ABHD17B: variants seen among roughly 807,000 people sequenced by gnomAD.
ABHD17B encodes the protein alpha/beta hydrolase domain-containing protein 17B.
A neutral mutation model predicts 26.2 loss-of-function variants in ABHD17B; 9 were observed. That is an observed-to-expected ratio of 0.34 (90% CI 0.21 to 0.60). The LOEUF (loss-of-function observed/expected upper bound fraction) is 0.60, where lower values mean the gene tolerates loss of function less well. Among genes scored for constraint, ABHD17B ranks in the 20% least tolerant of loss-of-function variants. The pLI is 0.80. For missense variants in ABHD17B, 224 were observed against 352.1 expected (o/e 0.64, Z 2.91); for synonymous variants, 127 against 122.3 (o/e 1.04, Z -0.25).
rs554304754 is a variant in ABHD17B at position 71,875,366 on chromosome 9, C to G, written c.-3-283G>C. Among the ~76,000 whole-genome samples the G allele has an allele frequency of 7.1e-4, 108 of 152,198 alleles. 1 individual carries two copies. The highest frequency in any genetic ancestry group is 2.6e-3 in the African/African-American group (108 of 41,514). ...TCAGCCTCCTAAGTAGCTGGGATTACAGGCATGCGCCACCACACCCGGTTA... is the reference window on the plus strand; with the variant it reads ...TCAGCCTCCTAAGTAGCTGGGATTAGAGGCATGCGCCACCACACCCGGTTA... On this transcript the variant is annotated intron_variant, in intron 1 of 3. Transcript: ENST00000333421.
intron 1 of ABHD17B, among the ~76,000 whole-genome samples, chr9:71,881,610 G>A (rs770825669): frequency 3.3e-5 from 5 of 152,198 alleles, no homozygotes; most frequent in Non-Finnish European, 5.9e-5. Context: ...AAGGACAGCT[G>A]GGCACGGTGG....
intron 1 of ABHD17B, among the ~76,000 whole-genome samples, chr9:71,879,288 G>A (rs1359377871): frequency 1.3e-5 from 2 of 152,198 alleles, no homozygotes; most frequent in African/African-American, 2.4e-5. Context: ...AGCAAGGAGG[G>A]TGAAGACAAC....
chr9:71,864,213 C>CTTTTTTTTTTT (rs762446648), downstream of ABHD17B, among the ~76,000 whole-genome samples: 4 of 80,396 alleles, frequency 5.0e-5, 1 homozygote, highest in African/African-American at 5.1e-5. Flanking sequence ...GCCAAACTTT[C>CTTTTTTTTTTT]TTTTTTTTTT....
rs1197737053 is a variant in ABHD17B, at chr9:71,880,605, T to C, written c.-3-5522A>G. 3.9e-5 allele frequency among the ~76,000 whole-genome samples: 6 copies of C among 152,102 alleles called. No homozygotes were observed. In the East Asian group the frequency reaches 1.2e-3, roughly 29 times the overall value. ...AAAACAAATGAGACTTCTCAGCAAT[T>C]TTGGCAAATGCATGAACTTAGGTAA... On this transcript the variant is annotated intron_variant, in intron 1 of 3. Coordinates refer to ENST00000333421, the MANE Select transcript of ABHD17B (RefSeq NM_001025780.3).
At chr9:71,871,624 G>A (rs747082036) in intron 2 of ABHD17B, among the ~76,000 whole-genome samples, 1 of 152,204 alleles carries the variant, frequency 6.6e-6, no homozygotes, top group African/African-American at 2.4e-5. Flanking sequence ...GGATAGAGTC[G>A]CAGAGGTAGC....
At chr9:71,870,292 C>A (rs953694828) in intron 2 of ABHD17B, 30 bp from the exon 3 acceptor site, 59 of 1,536,384 alleles carry the variant, frequency 3.8e-5, no homozygotes, top group Non-Finnish European at 4.5e-5. Context: ...AAAACAAAAA[C>A]CAAAAAAGTT....
intron 1 of ABHD17B, among the ~76,000 whole-genome samples, chr9:71,888,693 A>T (rs1826684043): frequency 6.6e-6 from 1 of 152,100 alleles, no homozygotes; most frequent in South Asian, 2.1e-4. Flanking sequence ...TATTTCTAAG[A>T]GTTTATACAA....
chr9:71,869,748 T>G (rs1826057307), intron 3 of ABHD17B, among the ~76,000 whole-genome samples: 1 of 152,158 alleles, frequency 6.6e-6, no homozygotes, highest in Non-Finnish European at 1.5e-5. Context: ...GTAGTCATGT[T>G]CAAGTTTTTC....
chr9:71,900,738 A>G lies in ABHD17B; in HGVS notation c.-4+9896T>C, dbSNP rs374068723. 1.1e-3 allele frequency among the ~76,000 whole-genome samples: 159 copies of G among 151,102 alleles called. 1 individual carries two copies. Among genetic ancestry groups the G allele is most frequent in the African/African-American group, 3.1e-3 (129 of 41,128 alleles). On this transcript the variant is annotated intron_variant, in intron 1 of 3. Coordinates refer to ENST00000333421, the MANE Select transcript of ABHD17B (RefSeq NM_001025780.3). Reference sequence around the variant, plus strand: ...GTGGCTTTTGCTTACTCCTCCAACCATATCTTGATACTATCCCCCCCTCAT... The same window carrying G: ...GTGGCTTTTGCTTACTCCTCCAACCGTATCTTGATACTATCCCCCCCTCAT...
downstream of ABHD17B, among the ~76,000 whole-genome samples, chr9:71,863,883 A>G (rs549646623): frequency 1.4e-4 from 21 of 152,310 alleles, no homozygotes; most frequent in African/African-American, 5.1e-4. Flanking sequence ...AACTTGGCAA[A>G]TACCTCAGGA....
chr9:71,902,010 TATTTA>T (rs1265919111), intron 1 of ABHD17B, among the ~76,000 whole-genome samples: 1 of 152,212 alleles, frequency 6.6e-6, no homozygotes, highest in Non-Finnish European at 1.5e-5. Flanking sequence ...CCGATTCATT[TATTTA>T]ATTTAACAGG....
rs1001247224 is a variant in ABHD17B at position 71,888,749 on chromosome 9, G to C, written c.-3-13666C>G. On this transcript the variant is annotated intron_variant, in intron 1 of 3. Coordinates refer to ENST00000333421, the MANE Select transcript of ABHD17B (RefSeq NM_001025780.3). The stretch of plus-strand genomic sequence containing the variant: ...CAGGTCAATACAGCATATGAGCATG[G>C]ACCCACACAACCCTTATTTACCAAG... 1.4e-4 allele frequency among the ~76,000 whole-genome samples: 21 copies of C among 152,060 alleles called. 1 individual carries two copies. Among genetic ancestry groups the C allele is most frequent in the African/African-American group, 4.8e-4 (20 of 41,470 alleles).
intron 1 of ABHD17B, among the ~76,000 whole-genome samples, chr9:71,903,441 TA>T (rs1169177905): frequency 6.6e-6 from 1 of 152,218 alleles, no homozygotes; most frequent in Non-Finnish European, 1.5e-5. Context: ...TAATCAAATG[TA>T]ATCAGATTTG....
chr9:71,866,741 C>T lies in ABHD17B; in HGVS notation c.*46G>A. On this transcript the variant is annotated 3_prime_UTR_variant, in exon 4 of 4. Coordinates refer to ENST00000333421, the MANE Select transcript of ABHD17B (RefSeq NM_001025780.3). The stretch of plus-strand genomic sequence containing the variant: ...GTTTTATGTTATTTACCAAAGAGTG[C>T]AGTTCAGCAAGAAAGGAAAACCCAG... The T allele has an allele frequency of 1.9e-6, 3 of 1,607,576 alleles. No homozygotes were observed. The highest frequency in any genetic ancestry group is 2.5e-6 in the Non-Finnish European group (3 of 1,176,588).
chr9:71,869,525 T>C (rs1826051719), intron 3 of ABHD17B, among the ~76,000 whole-genome samples: 1 of 152,208 alleles, frequency 6.6e-6, no homozygotes, highest in African/African-American at 2.4e-5. Flanking sequence ...GCTACTTTCC[T>C]TTCAAATACA....
At chr9:71,862,686 A>G (rs902104679), downstream of ABHD17B, 10 of 614,490 alleles carry the variant, frequency 1.6e-5, no homozygotes, top group African/African-American at 3.3e-5. Context: ...ATAACTGTTT[A>G]TGAAAAATCA....
downstream of ABHD17B, among the ~76,000 whole-genome samples, chr9:71,864,302 C>T (rs889687892): frequency 1.5e-5 from 2 of 136,348 alleles, no homozygotes; most frequent in Non-Finnish European, 3.1e-5. Flanking sequence ...TCACTGCAAC[C>T]TCCACCTCCC....
intron 1 of ABHD17B, among the ~76,000 whole-genome samples, chr9:71,896,633 C>T (rs1826964706): frequency 6.6e-6 from 1 of 151,730 alleles, no homozygotes; most frequent in Non-Finnish European, 1.5e-5. Flanking sequence ...CAAAGTCAAG[C>T]AAATAAACAG....
intron 2 of ABHD17B, among the ~76,000 whole-genome samples, chr9:71,871,178 A>AT (rs1242059539): frequency 6.6e-6 from 1 of 152,220 alleles, no homozygotes; most frequent in East Asian, 1.9e-4. Flanking sequence ...AGCTAAGAAC[A>AT]TAACAGCTGC....
Sources: allele counts gnomAD v4.1 joint callset (sites outside exome capture counted in the v4.1 genomes callset), GRCh38; gene constraint gnomAD v4.1.1; transcripts MANE v1.5; gene names NCBI Gene and HGNC (gene_info 2026-07-23, HGNC 2026-07-21).